The following FAM171B variants were observed in gnomAD, a reference collection of about 807,000 sequenced individuals.
FAM171B encodes protein FAM171B.
Under a neutral mutation model 75.6 loss-of-function variants are expected in FAM171B, and 19 were observed. The observed-to-expected ratio is 0.25, with a 90% CI of 0.18 to 0.37. The LOEUF (loss-of-function observed/expected upper bound fraction) is 0.37. Among genes scored for constraint, FAM171B ranks in the 10% least tolerant of loss-of-function variants. The pLI, the probability that FAM171B is intolerant of heterozygous loss-of-function variation, is 1.00. For synonymous variants in FAM171B, 367 were observed against 361.7 expected (o/e 1.01, Z -0.17); for missense variants, 848 against 982.4 (o/e 0.86, Z 1.83).
chr2:186,731,721 C>T (rs780637934), intron 1 of FAM171B, among the ~76,000 whole-genome samples: 13 of 152,272 alleles, frequency 8.5e-5, no homozygotes, highest in Non-Finnish European at 1.5e-4. Flanking sequence ...AGAATGTGAG[C>T]GGCGGGTGAG....
chr2:186,746,106 T>C lies in FAM171B; in HGVS notation c.566-986T>C, dbSNP rs141440223. Reference sequence around the variant, plus strand: ...CCTTACTAAAGTTCAAAGCAAAAGCTGATGTTTCTGATAATTTTCAGGTGT... The same window carrying C: ...CCTTACTAAAGTTCAAAGCAAAAGCCGATGTTTCTGATAATTTTCAGGTGT... On this transcript the variant is annotated intron_variant, in intron 3 of 7. Transcript: ENST00000304698. Among the ~76,000 whole-genome samples the C allele has an allele frequency of 1.9e-3, 284 of 152,382 alleles. 1 individual carries two copies. Among genetic ancestry groups the C allele is most frequent in the African/African-American group, 6.7e-3 (277 of 41,602 alleles).
chr2:186,726,392 T>C (rs1690033480), intron 1 of FAM171B, among the ~76,000 whole-genome samples: 1 of 152,176 alleles, frequency 6.6e-6, no homozygotes, highest in African/African-American at 2.4e-5. Context: ...CAGCACCCTT[T>C]TGTTTCTTTA....
At chr2:186,744,538 T>C (rs1423082075) in intron 3 of FAM171B, among the ~76,000 whole-genome samples, 1 of 152,232 alleles carries the variant, frequency 6.6e-6, no homozygotes, top group South Asian at 2.1e-4. Context: ...AGATTTTTTT[T>C]ATCTTTGAGA....
intron 1 of FAM171B, among the ~76,000 whole-genome samples, chr2:186,718,972 C>T (rs1314272246): frequency 1.3e-5 from 2 of 152,210 alleles, no homozygotes; most frequent in Non-Finnish European, 1.5e-5. Flanking sequence ...GACTGTGTCT[C>T]ATTCATGCTC....
intron 1 of FAM171B, among the ~76,000 whole-genome samples, chr2:186,709,635 C>T (rs965039104): frequency 2.6e-5 from 4 of 152,158 alleles, no homozygotes; most frequent in Non-Finnish European, 4.4e-5. Flanking sequence ...ATCCTCCACA[C>T]GAATACAACA....
intron 1 of FAM171B, chr2:186,695,377 G>A (rs1574516370): frequency 6.6e-6 from 1 of 152,040 alleles, no homozygotes; most frequent in African/African-American, 2.4e-5. Context: ...TCTGCTATTT[G>A]GAAAGAAAAA....
chr2:186,737,286 A>G (rs74598140), intron 1 of FAM171B, among the ~76,000 whole-genome samples: 4,052 of 152,376 alleles, frequency 0.027, 184 homozygotes, highest in African/African-American at 0.091. Flanking sequence ...TCTGTACTTA[A>G]GGAGTAAGAC....
At chr2:186,702,582 A>G (rs1689678116) in intron 1 of FAM171B, among the ~76,000 whole-genome samples, 1 of 152,046 alleles carries the variant, frequency 6.6e-6, no homozygotes, top group Non-Finnish European at 1.5e-5. Context: ...ACTAGGCTGT[A>G]TTTTTACATA....
Position 186,761,223 on chromosome 2 carries a change from C to T in FAM171B, c.1123C>T (p.Leu375Phe), listed in dbSNP as rs760833899. Residue 375 changes from leucine to phenylalanine, a missense_variant, in exon 7 of 8, where the codon CTT becomes TTT. Around this residue, in one of 3 missense-constraint regions of FAM171B, gnomAD observed 665 missense variants for 729.0 expected, o/e 0.91. Coordinates refer to ENST00000304698, the MANE Select transcript of FAM171B (RefSeq NM_177454.4). Reference sequence around the variant, plus strand: ...TGTCATTGGATTTTTTGCTGTACTACTTTGTTATTGCAGGTAAGAAAATGG... The same window carrying T: ...TGTCATTGGATTTTTTGCTGTACTATTTTGTTATTGCAGGTAAGAAAATGG... ...VIVIGFFAVL[L>F]CYCRDKCGTP... The T allele has an allele frequency of 6.2e-7, 1 of 1,612,066 alleles. No homozygotes were observed. The highest frequency in any genetic ancestry group is 8.5e-7 in the Non-Finnish European group (1 of 1,179,032).
At chr2:186,722,064 T>C (rs1397484247) in intron 1 of FAM171B, among the ~76,000 whole-genome samples, 1 of 152,172 alleles carries the variant, frequency 6.6e-6, no homozygotes, top group Non-Finnish European at 1.5e-5. Context: ...CAAAGAACAA[T>C]GTCATTTAAT....
chr2:186,761,247 G>A lies in FAM171B; in HGVS notation c.1136+11G>A. The A allele has an allele frequency of 6.2e-7, 1 of 1,610,638 alleles. No homozygotes were observed. The highest frequency in any genetic ancestry group is 8.5e-7 in the Non-Finnish European group (1 of 1,178,650). ...ACTTTGTTATTGCAGGTAAGAAAAT[G>A]GCTATAAACACAGAAAACTATCAAG... On this transcript the variant is annotated intron_variant, in intron 7 of 7. Coordinates refer to ENST00000304698, the MANE Select transcript of FAM171B (RefSeq NM_177454.4).
intron 1 of FAM171B, among the ~76,000 whole-genome samples, chr2:186,696,543 C>A (rs540973278): frequency 1.4e-5 from 2 of 145,012 alleles, no homozygotes; most frequent in South Asian, 2.4e-4. Context: ...ATGCCCAGAT[C>A]GTGAAAATGG....
intron 1 of FAM171B, among the ~76,000 whole-genome samples, chr2:186,725,300 C>T (rs528554697): frequency 4.0e-5 from 6 of 150,650 alleles, no homozygotes; most frequent in Admixed American, 6.6e-5. Context: ...GCCGAGACCA[C>T]GCCACTGCAC....
chr2:186,731,665 A>G (rs75636611), intron 1 of FAM171B, among the ~76,000 whole-genome samples: 110 of 152,316 alleles, frequency 7.2e-4, no homozygotes, highest in African/African-American at 2.5e-3. Flanking sequence ...CCTGGGACAC[A>G]GACAGATACA....
At position 186,762,086 on chromosome 2, in the gene FAM171B, T is replaced by A; in HGVS notation, c.1744T>A (p.Phe582Ile). ...GATGGAACCAGTAAATCGAGAGAAC[T>A]TTACGCAGACCTTGCCCAAAATGCC... ...QLMEPVNREN[F>I]TQTLPKMPIH... The change falls in exon 8 of 8, where the codon TTT becomes ATT. Residue 582 changes from phenylalanine (F) to isoleucine (I), a missense_variant. By Grantham distance (21) the Phe-to-Ile change is conservative. Around this residue, in one of 3 missense-constraint regions of FAM171B, gnomAD observed 665 missense variants for 729.0 expected, o/e 0.91. Coordinates refer to ENST00000304698, the MANE Select transcript of FAM171B (RefSeq NM_177454.4). The surrounding 1 kb of genome is among the most constrained non-coding windows in gnomAD (Gnocchi z 4.0). The A allele has an allele frequency of 6.2e-7, 1 of 1,613,674 alleles. No individual in the cohort carries two copies. Among genetic ancestry groups the A allele is most frequent in the Non-Finnish European group, 8.5e-7 (1 of 1,179,774 alleles).
intron 1 of FAM171B, among the ~76,000 whole-genome samples, chr2:186,737,339 A>G (rs1465255229): frequency 6.6e-6 from 1 of 152,184 alleles, no homozygotes; most frequent in Non-Finnish European, 1.5e-5. Context: ...CATTTTCCTC[A>G]ACATATGTTA....
chr2:186,694,302 A>ACAGCAGCAGCAG lies in FAM171B; in HGVS notation c.138_149dup (p.Gln53_Gln56dup), dbSNP rs144403657. On this transcript the variant is annotated inframe_insertion, in exon 1 of 8. Coordinates refer to ENST00000304698, the MANE Select transcript of FAM171B (RefSeq NM_177454.4). ...GCCGCTCCGACCTCAGCCTCATCCA[A>ACAGCAGCAGCAG]CAGCAGCAGCAGCAGCAGCAACAAC... The ACAGCAGCAGCAG allele has an allele frequency of 1.5e-4, 236 of 1,566,344 alleles. No homozygotes were observed. Among genetic ancestry groups the ACAGCAGCAGCAG allele is most frequent in the African/African-American group, 7.2e-5 (5 of 69,744 alleles).
Position 186,763,588 on chromosome 2 carries a change from G to C in FAM171B, c.*765G>C, listed in dbSNP as rs1690655731. 6.6e-6 allele frequency: 1 copy of C among 151,848 alleles called. No homozygotes were observed. Among genetic ancestry groups the C allele is most frequent in the African/African-American group, 2.4e-5 (1 of 41,366 alleles). 9.4% of individuals were successfully genotyped at this position (151,848 alleles called of 1,614,324 possible). A position where few individuals can be genotyped will look rare whatever the true frequency, so the allele number is the denominator to read the frequency against. On this transcript the variant is annotated 3_prime_UTR_variant, in exon 8 of 8. Transcript: ENST00000304698. ...ACAATGAAGCAAGCTTAGCTGTCAA[G>C]GGAAACTTTTTACAAATCTGAAAAA...
intron 1 of FAM171B, among the ~76,000 whole-genome samples, chr2:186,709,873 C>T (rs1232744003): frequency 6.6e-6 from 1 of 152,194 alleles, no homozygotes; most frequent in Non-Finnish European, 1.5e-5. Flanking sequence ...TGTAATTGCA[C>T]ATAGCAGTTG....
Sources: gnomAD v4.1 joint callset for allele counts (sites outside exome capture counted in the v4.1 genomes callset) on GRCh38, gnomAD v4.1.1 for gene constraint, gnomAD v4.1.1 regional missense constraint, Gnocchi (gnomAD v3.1) non-coding constraint, MANE v1.5 for transcripts, NCBI Gene and HGNC (gene_info 2026-07-23, HGNC 2026-07-21) for gene names.